The following SLC25A48 variants were observed in gnomAD, a reference collection of about 807,000 sequenced individuals.
The protein encoded by SLC25A48 is solute carrier family 25 member 48.
SLC25A48 carries 29 observed loss-of-function variants against 32.2 expected under a neutral mutation model. The ratio of observed to expected loss-of-function variants is 0.90; its 90% CI spans 0.67 to 1.23. SLC25A48 has a LOEUF of 1.23. Ranked by LOEUF, SLC25A48 falls within the 50% of genes most tolerant of loss-of-function variation. The pLI, the probability that SLC25A48 is intolerant of heterozygous loss-of-function variation, is 0.00. For missense variants in SLC25A48, 399 were observed against 422.7 expected, an observed-to-expected ratio of 0.94 and a Z score of 0.49; for synonymous variants, 164 against 172.3, an observed-to-expected ratio of 0.95 and a Z score of 0.38.
At chr5:135,728,082 C>A (rs370046408) in intron 3 of SLC25A48, among the ~76,000 whole-genome samples, 9 of 151,954 alleles carry the variant, frequency 5.9e-5, no homozygotes, top group African/African-American at 2.2e-4. Flanking sequence ...CCTGGTGAAA[C>A]CCCATCTCTA....
chr5:135,667,781 A>T (rs1234091155), intron 3 of SLC25A48, among the ~76,000 whole-genome samples: 1 of 152,258 alleles, frequency 6.6e-6, no homozygotes, highest in Admixed American at 6.5e-5. Context: ...CCTGTCATTT[A>T]AAAGTTCTGT....
Position 135,860,247 on chromosome 5 carries a change from G to A in SLC25A48, c.421+7426G>A, listed in dbSNP as rs151033065. On this transcript the variant is annotated intron_variant, in intron 4 of 7. Coordinates refer to ENST00000681962, the MANE Select transcript of SLC25A48 (RefSeq NM_001349336.2). The stretch of plus-strand genomic sequence containing the variant: ...TTTCATAAGTGAGAAGAGGTGTCTG[G>A]GGAAGTGAATCCTCTCCCATTTTTC... Among the ~76,000 whole-genome samples, 1,048 of 152,296 alleles carry A rather than the reference G, an allele frequency of 6.9e-3. 16 individuals are homozygous for A. The highest frequency in any genetic ancestry group is 0.023 in the African/African-American group (973 of 41,560).
At position 135,766,102 on chromosome 5, in the gene SLC25A48, G is replaced by A. The variant is rs77569040; in HGVS notation, c.-520-46421G>A. 5.1e-3 allele frequency among the ~76,000 whole-genome samples: 775 copies of A among 151,688 alleles called. 7 individuals are homozygous for A. The highest frequency in any genetic ancestry group is 0.018 in the African/African-American group (732 of 41,308). Reference sequence around the variant, plus strand: ...AGAGTAATATTTCTCCCCATATCGCGGGGGATGTACAGCCCCCTGTGATAT... The same window carrying A: ...AGAGTAATATTTCTCCCCATATCGCAGGGGATGTACAGCCCCCTGTGATAT... On this transcript the variant is annotated intron_variant, in intron 3 of 10. Transcript: ENST00000646290.
chr5:135,643,160 G>A (rs975897633), intron 3 of SLC25A48, among the ~76,000 whole-genome samples: 3 of 152,228 alleles, frequency 2.0e-5, no homozygotes, highest in African/African-American at 7.2e-5. Context: ...ACGATGTATT[G>A]TTCTGAAGCA....
chr5:135,622,118 A>G (rs1246545239), intron 1 of SLC25A48, among the ~76,000 whole-genome samples: 1 of 152,238 alleles, frequency 6.6e-6, no homozygotes, highest in Admixed American at 6.5e-5. Context: ...AAAATGCACA[A>G]TAAAACAATA....
chr5:135,810,206 T>G (rs116181194), intron 3 of SLC25A48, among the ~76,000 whole-genome samples: 3,085 of 152,302 alleles, frequency 0.02, 53 homozygotes, highest in Non-Finnish European at 0.032. Context: ...TTGACCAAAT[T>G]GGCCCTGAGC....
intron 3 of SLC25A48, among the ~76,000 whole-genome samples, chr5:135,670,270 A>G (rs1753623796): frequency 6.6e-6 from 1 of 152,296 alleles, no homozygotes; most frequent in East Asian, 1.9e-4. Context: ...TTGACCAGCT[A>G]GCAGGTCAAG....
intron 4 of SLC25A48, among the ~76,000 whole-genome samples, chr5:135,858,327 G>C (rs969824604): frequency 6.6e-6 from 1 of 152,176 alleles, no homozygotes; most frequent in African/African-American, 2.4e-5. Context: ...TTAGCACAAA[G>C]AGCAAAGCCA....
chr5:135,823,272 C>T (rs1177830762), intron 4 of SLC25A48, among the ~76,000 whole-genome samples: 1 of 152,152 alleles, frequency 6.6e-6, no homozygotes, highest in Non-Finnish European at 1.5e-5. Flanking sequence ...AAAGGGGCCC[C>T]CTGCCATGTT....
At chr5:135,794,998 G>C (rs1206876095) in intron 3 of SLC25A48, among the ~76,000 whole-genome samples, 1 of 151,760 alleles carries the variant, frequency 6.6e-6, no homozygotes, top group Non-Finnish European at 1.5e-5. Context: ...GGTGAGGAGA[G>C]GATGATATTA....
At position 135,637,870 on chromosome 5, in the gene SLC25A48, T is replaced by TTGA. The variant is rs1211927203; in HGVS notation, c.-521+2916_-521+2917insATG. ...GTATTTGTTGTTGTTGTTGTTGTTG[T>TTGA]TGTAGCTCAAGTACTTTGATTCCTG... On this transcript the variant is annotated intron_variant, in intron 3 of 10. Coordinates refer to the SLC25A48 transcript ENST00000646290. 9.2e-5 allele frequency among the ~76,000 whole-genome samples: 14 copies of TTGA among 152,116 alleles called. 1 individual carries two copies. The East Asian group carries it at 2.7e-3, about 29-fold the overall frequency.
At chr5:135,795,843 C>G (rs1757155856) in intron 3 of SLC25A48, among the ~76,000 whole-genome samples, 1 of 147,626 alleles carries the variant, frequency 6.8e-6, no homozygotes, top group Non-Finnish European at 1.5e-5. Flanking sequence ...ATATTACTCC[C>G]CATATCGCTG....
At chr5:135,842,494 A>C in intron 2 of SLC25A48, 35 bp downstream of exon 2, 1 of 1,599,088 alleles carries the variant, frequency 6.3e-7, no homozygotes, top group East Asian at 2.2e-5. Context: ...CCTCTTAAAA[A>C]GAGGCATGGA....
intron 1 of SLC25A48, 81 bp downstream of exon 1, chr5:135,834,974 C>T: frequency 6.7e-7 from 1 of 1,483,042 alleles, no homozygotes; most frequent in Non-Finnish European, 9.2e-7. Context: ...GAAACTTTGC[C>T]TCTGTGCGCT....
intron 3 of SLC25A48, among the ~76,000 whole-genome samples, chr5:135,850,996 T>G (rs1759810846): frequency 6.6e-6 from 1 of 152,174 alleles, no homozygotes; most frequent in Admixed American, 6.5e-5. Flanking sequence ...TGCATCAGGC[T>G]CCCTTCTTGA....
At chr5:135,851,836 G>A (rs537995365) in intron 3 of SLC25A48, among the ~76,000 whole-genome samples, 1 of 152,204 alleles carries the variant, frequency 6.6e-6, no homozygotes, top group East Asian at 1.9e-4. Flanking sequence ...ATGCCGTGTG[G>A]AAGGGACCGA....
Position 135,874,086 on chromosome 5 carries a change from G to T in SLC25A48, c.745G>T (p.Val249Phe). ...GAAAAGTCGACTCCAAGCTGATGGG[G>T]TTTATTTAAACAAATATAAAGGTGT... The part of the protein sequence containing the change: ...VVKSRLQADG[V>F]YLNKYKGVLD... The change falls in exon 6 of 8, where the codon GTT becomes TTT. Residue 249 changes from valine (V) to phenylalanine (F), a missense_variant. By Grantham distance (50) the Val-to-Phe change is conservative. Transcript: ENST00000681962. 1 of 1,525,650 alleles carries T rather than the reference G, an allele frequency of 6.6e-7. No individual in the cohort carries two copies. The highest frequency in any genetic ancestry group is 1.2e-5 in the South Asian group (1 of 82,290). The allele number at this position is 1,525,650 out of a possible 1,614,324, so 94.5% of individuals were successfully genotyped here. A position where few individuals can be genotyped will look rare whatever the true frequency, so the allele number is the denominator to read the frequency against.
chr5:135,745,876 A>G (rs1463783551), intron 3 of SLC25A48, among the ~76,000 whole-genome samples: 3 of 152,154 alleles, frequency 2.0e-5, no homozygotes, highest in Non-Finnish European at 4.4e-5. Context: ...CAGAGCCAGG[A>G]TTTAAGTCTG....
chr5:135,788,175 G>C (rs1423037762), intron 3 of SLC25A48, among the ~76,000 whole-genome samples: 1 of 150,554 alleles, frequency 6.6e-6, no homozygotes, highest in East Asian at 2.0e-4. Context: ...TGGGGGGAAG[G>C]GTGTTATTAC....
Sources: gnomAD v4.1 joint callset for allele counts (sites outside exome capture counted in the v4.1 genomes callset) on GRCh38, gnomAD v4.1.1 for gene constraint, MANE v1.5 for transcripts, NCBI Gene and HGNC (gene_info 2026-07-23, HGNC 2026-07-21) for gene names.